Variants in SFMBT2 observed in about 807,000 individuals in gnomAD.
SFMBT2 encodes the protein scm-like with four MBT domains protein 2.
In SFMBT2, 38 loss-of-function variants were observed where a neutral mutation model predicts 110.1. The observed-to-expected ratio is 0.35, with a 90% CI of 0.27 to 0.45. The LOEUF (loss-of-function observed/expected upper bound fraction) is 0.45, where lower values mean the gene tolerates loss of function less well. SFMBT2 is among the 20% of genes least tolerant of loss of function. SFMBT2 has a pLI of 1.00. For missense variants in SFMBT2, 1,011 were observed against 1,094.9 expected, an observed-to-expected ratio of 0.92 and a Z score of 1.08; for synonymous variants, 425 against 425.4, an observed-to-expected ratio of 1.00 and a Z score of 0.01.
chr10:7,365,199 A>G (rs891872481), intron 4 of SFMBT2, among the ~76,000 whole-genome samples: 2 of 152,206 alleles, frequency 1.3e-5, no homozygotes, highest in African/African-American at 4.8e-5. Context: ...ACCTGACTTA[A>G]GAACAGCCAT....
chr10:7,261,641 G>A (rs1841207738), intron 7 of SFMBT2, among the ~76,000 whole-genome samples: 1 of 152,198 alleles, frequency 6.6e-6, no homozygotes, highest in Admixed American at 6.5e-5. Context: ...GACTTTGCAG[G>A]TCACCACAAG....
intron 1 of SFMBT2, among the ~76,000 whole-genome samples, chr10:7,398,088 G>T (rs1396373793): frequency 6.6e-6 from 1 of 152,182 alleles, no homozygotes; most frequent in Non-Finnish European, 1.5e-5. Flanking sequence ...ACAAATTGCT[G>T]CCCTGGCATA....
intron 4 of SFMBT2, among the ~76,000 whole-genome samples, chr10:7,305,890 A>G (rs1564430976): frequency 2.0e-5 from 3 of 152,270 alleles, no homozygotes; most frequent in African/African-American, 7.2e-5. Context: ...AGTGTGGGGA[A>G]GTAAAACAAA....
At chr10:7,329,621 TGGAACACAGCAAGGCAGGC>T in intron 4 of SFMBT2, 1 of 517,846 alleles carries the variant, frequency 1.9e-6, no homozygotes, top group Non-Finnish European at 2.5e-6. Context: ...GAAATCCAGA[TGGAACACAGCAAGGCAGGC>T]TCGTCTCTGC....
chr10:7,292,491 T>C (rs1842289370), intron 4 of SFMBT2, among the ~76,000 whole-genome samples: 2 of 152,222 alleles, frequency 1.3e-5, no homozygotes, highest in South Asian at 4.1e-4. Flanking sequence ...CTACTGAGGT[T>C]CAAACACATA....
intron 1 of SFMBT2, among the ~76,000 whole-genome samples, chr10:7,405,038 C>T (rs1180158647): frequency 1.3e-5 from 2 of 152,198 alleles, no homozygotes; most frequent in Non-Finnish European, 2.9e-5. Flanking sequence ...CTTGTTTTAG[C>T]CAACGAGAGT....
chr10:7,202,578 A>G (rs1051857389), intron 12 of SFMBT2, 56 bp from the exon 13 acceptor site: 3 of 1,613,478 alleles, frequency 1.9e-6, no homozygotes, highest in African/African-American at 2.7e-5. Flanking sequence ...GGGCAAGTCC[A>G]TTTTTAAAAA....
At position 7,381,950 on chromosome 10, in the gene SFMBT2, C is replaced by G. The variant is rs370708357; in HGVS notation, c.-51-1G>C. ...TAATTCATCCTGCAGAAAAAATTAC[C>G]TAAGAGCAATCAAAAAAAAAAAAAT... On this transcript the variant is annotated splice_acceptor_variant, in intron 1 of 20. Transcript: ENST00000397167. LOFTEE classifies it low-confidence loss of function (5UTR_SPLICE). 125 of 1,489,510 alleles carry G rather than the reference C, an allele frequency of 8.4e-5. No homozygotes were observed. Among genetic ancestry groups the G allele is most frequent in the Non-Finnish European group, 1.1e-4 (120 of 1,109,846 alleles). The allele number at this position is 1,489,510 out of a possible 1,614,324, so 92.3% of individuals were successfully genotyped here. A position where few individuals can be genotyped will look rare whatever the true frequency, so the allele number is the denominator to read the frequency against.
chr10:7,180,481 C>G (rs1382745637), intron 16 of SFMBT2, among the ~76,000 whole-genome samples: 1 of 152,040 alleles, frequency 6.6e-6, no homozygotes, highest in Non-Finnish European at 1.5e-5. Flanking sequence ...CCTGCCCTTC[C>G]CAGAAGGGCC....
chr10:7,338,411 C>A (rs777081262), intron 4 of SFMBT2, among the ~76,000 whole-genome samples: 38 of 152,290 alleles, frequency 2.5e-4, no homozygotes, highest in Non-Finnish European at 4.0e-4. Flanking sequence ...TGACCTGAAG[C>A]CTTACTGATA....
At position 7,251,075 on chromosome 10, in the gene SFMBT2, T is replaced by C. The variant is rs145684076; in HGVS notation, c.871-2426A>G. Among the ~76,000 whole-genome samples, 530 of 152,226 alleles carry C rather than the reference T, an allele frequency of 3.5e-3. 5 individuals are homozygous for C. Among genetic ancestry groups the C allele is most frequent in the African/African-American group, 0.012 (495 of 41,542 alleles). ...TTTAAGGTGATATGTATCTCAATTA[T>C]ACTGATTTGATCTTTACAAATTATA... On this transcript the variant is annotated intron_variant, in intron 7 of 20. Coordinates refer to ENST00000397167, the MANE Select transcript of SFMBT2 (RefSeq NM_001387889.1).
chr10:7,238,086 G>A (rs1840314003), intron 9 of SFMBT2, among the ~76,000 whole-genome samples: 1 of 152,192 alleles, frequency 6.6e-6, no homozygotes, highest in Non-Finnish European at 1.5e-5. Flanking sequence ...TGGACACAGG[G>A]TGGGGTGGAA....
chr10:7,296,947 G>T (rs1842422920), intron 4 of SFMBT2, among the ~76,000 whole-genome samples: 4 of 152,188 alleles, frequency 2.6e-5, no homozygotes, highest in Admixed American at 1.3e-4. Context: ...AAAGCAGACG[G>T]CCTTGGACTG....
intron 7 of SFMBT2, among the ~76,000 whole-genome samples, chr10:7,254,536 T>C (rs1050237851): frequency 6.6e-6 from 1 of 152,122 alleles, no homozygotes; most frequent in Non-Finnish European, 1.5e-5. Flanking sequence ...TAAAAGATTC[T>C]GGGGGCCAGG....
intron 15 of SFMBT2, among the ~76,000 whole-genome samples, chr10:7,194,949 A>C (rs749914628): frequency 6.6e-6 from 1 of 152,250 alleles, no homozygotes; most frequent in East Asian, 1.9e-4. Flanking sequence ...TTGTGTGTTA[A>C]CAGAGCTGGC....
intron 1 of SFMBT2, among the ~76,000 whole-genome samples, chr10:7,401,114 C>T (rs1270408239): frequency 6.6e-6 from 1 of 152,084 alleles, no homozygotes; most frequent in Non-Finnish European, 1.5e-5. Flanking sequence ...GCCTGGCCAA[C>T]AGAGTGAGAC....
At chr10:7,306,390 G>A (rs564289757) in intron 4 of SFMBT2, among the ~76,000 whole-genome samples, 12 of 152,288 alleles carry the variant, frequency 7.9e-5, no homozygotes, top group South Asian at 2.1e-4. Context: ...TTTTGTGTCC[G>A]TAAATAAAGT....
chr10:7,405,011 TA>T (rs1366407836), intron 1 of SFMBT2, among the ~76,000 whole-genome samples: 1 of 152,238 alleles, frequency 6.6e-6, no homozygotes, highest in East Asian at 1.9e-4. Context: ...ACACTTGACT[TA>T]AACATAGAGC....
At chr10:7,250,836 T>C (rs1409855349) in intron 7 of SFMBT2, among the ~76,000 whole-genome samples, 1 of 152,112 alleles carries the variant, frequency 6.6e-6, no homozygotes, top group Non-Finnish European at 1.5e-5. Context: ...TTTTTAAAGG[T>C]GGCTGGGGGA....
Sources: allele counts gnomAD v4.1 joint callset (sites outside exome capture counted in the v4.1 genomes callset), GRCh38; gene constraint gnomAD v4.1.1; transcripts MANE v1.5; gene names NCBI Gene and HGNC (gene_info 2026-07-23, HGNC 2026-07-21).